THADA: variants seen among roughly 807,000 people sequenced by gnomAD.
The protein encoded by THADA is tRNA (32-2'-O)-methyltransferase regulator THADA.
Under a neutral mutation model 219.8 loss-of-function variants are expected in THADA, and 213 were observed. The ratio of observed to expected loss-of-function variants is 0.97; its 90% CI spans 0.87 to 1.09. THADA has a LOEUF of 1.09. THADA is among the 50% of genes least tolerant of loss of function. THADA has a pLI of 0.00. For synonymous variants in THADA, 1,018 were observed against 828.9 expected (o/e 1.23, Z -3.92); for missense variants, 2,956 against 2,311.3 (o/e 1.28, Z -5.72).
At chr2:43,338,460 A>T (rs1391685638) in intron 30 of THADA, among the ~76,000 whole-genome samples, 1 of 152,142 alleles carries the variant, frequency 6.6e-6, no homozygotes, top group African/African-American at 2.4e-5. Context: ...CCCAGCCTCC[A>T]GAACCCTTTT....
Position 43,271,612 on chromosome 2 carries a change from C to CT in THADA, c.5296+8152dup, listed in dbSNP as rs11365531. On this transcript the variant is annotated intron_variant, in intron 36 of 37. Coordinates refer to ENST00000405975, the MANE Select transcript of THADA (RefSeq NM_022065.5). ...AGACAAAAATCCTACACTCTTGGAA[C>CT]TTTTTTTTTTTTTTTTTTTTTTGAC... is the stretch of plus-strand genomic sequence containing the variant. Among the ~76,000 whole-genome samples, 710 of 118,590 alleles carry CT rather than the reference C, an allele frequency of 6.0e-3. 4 individuals are homozygous for CT. Among genetic ancestry groups the CT allele is most frequent in the Middle Eastern group, 0.018 (4 of 224 alleles). The allele number at this position is 118,590 out of a possible 152,430, so 77.8% of individuals were successfully genotyped here.
At chr2:43,538,588 A>C (rs1308816575) in intron 21 of THADA, 1 of 151,342 alleles carries the variant, frequency 6.6e-6, no homozygotes, top group African/African-American at 2.5e-5. Context: ...AAATACAGAA[A>C]ATTAAACTTA....
intron 16 of THADA, among the ~76,000 whole-genome samples, chr2:43,557,131 A>G (rs1234017261): frequency 6.6e-6 from 1 of 152,184 alleles, no homozygotes; most frequent in Non-Finnish European, 1.5e-5. Context: ...AGCCTGGCAT[A>G]TAATTGTAAG....
chr2:43,275,964 G>C (rs1672685496), intron 36 of THADA, among the ~76,000 whole-genome samples: 1 of 152,208 alleles, frequency 6.6e-6, no homozygotes, highest in Non-Finnish European at 1.5e-5. Flanking sequence ...AAACAGATCT[G>C]AGTGGCCGCT....
chr2:43,516,655 C>G (rs920202973), intron 22 of THADA, among the ~76,000 whole-genome samples: 61 of 152,222 alleles, frequency 4.0e-4, no homozygotes, highest in Middle Eastern at 3.4e-3. Flanking sequence ...GGTTACATAG[C>G]AAGTACGTGG....
At chr2:43,503,169 T>A (rs1264750807) in intron 24 of THADA, among the ~76,000 whole-genome samples, 1 of 152,182 alleles carries the variant, frequency 6.6e-6, no homozygotes, top group Non-Finnish European at 1.5e-5. Context: ...AGCATCAGAT[T>A]GAATATGTGT....
intron 36 of THADA, among the ~76,000 whole-genome samples, chr2:43,253,427 C>T (rs896765219): frequency 6.6e-6 from 1 of 152,172 alleles, no homozygotes; most frequent in Non-Finnish European, 1.5e-5. Flanking sequence ...AAAGGTGGCT[C>T]TAACCTCCCA....
intron 26 of THADA, among the ~76,000 whole-genome samples, chr2:43,454,827 C>T (rs1433724541): frequency 4.6e-5 from 7 of 152,066 alleles, no homozygotes; most frequent in Admixed American, 1.3e-4. Flanking sequence ...AAGTTAAATA[C>T]GAATAAGAAG....
intron 16 of THADA, 130 bp from the exon 17 acceptor site, chr2:43,556,685 G>A: frequency 2.6e-6 from 2 of 763,082 alleles, no homozygotes; most frequent in Non-Finnish European, 4.1e-6. Flanking sequence ...AGCTACTCAA[G>A]AGGCTGATGG....
chr2:43,441,820 G>A (rs1011612593), intron 26 of THADA, among the ~76,000 whole-genome samples: 2 of 152,114 alleles, frequency 1.3e-5, no homozygotes, highest in Admixed American at 6.5e-5. Flanking sequence ...TCCTAGAATA[G>A]GTGAGTCTTC....
At chr2:43,327,694 T>A (rs1558585941) in intron 30 of THADA, among the ~76,000 whole-genome samples, 1 of 152,106 alleles carries the variant, frequency 6.6e-6, no homozygotes, top group Non-Finnish European at 1.5e-5. Context: ...TTGCTTGAGA[T>A]CAGGAGTTCA....
rs764103567 is a variant in THADA at position 43,577,144 on chromosome 2, T to G, written c.915A>C (p.Ser305=). The change falls in exon 10 of 38, where the codon TCA becomes TCC. Residue 305 remains serine, a synonymous_variant. Transcript: ENST00000405975. ...RSLCCGDISQ[S]AVLFLCQGTL... ...TCCCCTGACAGAGGAATAAGACAGC[T>G]GACTGAGAGATGTCACCACAACAGA... 24 of 1,611,690 alleles carry G rather than the reference T, an allele frequency of 1.5e-5. No homozygotes were observed. Among genetic ancestry groups the G allele is most frequent in the Non-Finnish European group, 2.0e-5 (23 of 1,179,068 alleles).
intron 31 of THADA, among the ~76,000 whole-genome samples, chr2:43,309,764 A>C (rs1677274755): frequency 6.6e-6 from 1 of 152,188 alleles, no homozygotes; most frequent in African/African-American, 2.4e-5. Context: ...TGCTCTTGCC[A>C]CTTCTATTCA....
chr2:43,361,627 C>G (rs1249999563), intron 29 of THADA, among the ~76,000 whole-genome samples: 2 of 152,310 alleles, frequency 1.3e-5, no homozygotes, highest in African/African-American at 2.4e-5. Context: ...TTGGCAGTAT[C>G]GTTCCTTGGC....
intron 31 of THADA, among the ~76,000 whole-genome samples, chr2:43,299,959 C>T (rs1018430865): frequency 5.6e-5 from 8 of 143,820 alleles, no homozygotes; most frequent in Admixed American, 1.4e-4. Flanking sequence ...ACCTGTGACG[C>T]GGAGGTAGCA....
intron 26 of THADA, among the ~76,000 whole-genome samples, chr2:43,438,516 T>G (rs1047624862): frequency 6.6e-6 from 1 of 152,166 alleles, no homozygotes; most frequent in Non-Finnish European, 1.5e-5. Flanking sequence ...CCAAGGTAAA[T>G]GGCCTAGATA....
chr2:43,316,460 T>C (rs1242911765), intron 31 of THADA, among the ~76,000 whole-genome samples: 2 of 152,208 alleles, frequency 1.3e-5, no homozygotes, highest in African/African-American at 2.4e-5. Flanking sequence ...CCTAATCAAG[T>C]GGACTCCTGA....
At chr2:43,568,480 C>T (rs1489022338) in intron 14 of THADA, among the ~76,000 whole-genome samples, 1 of 152,088 alleles carries the variant, frequency 6.6e-6, no homozygotes, top group Non-Finnish European at 1.5e-5. Flanking sequence ...GAAAAAGTAC[C>T]ACAACCATGA....
chr2:43,384,597 C>T (rs181396683), intron 29 of THADA, among the ~76,000 whole-genome samples: 10 of 152,294 alleles, frequency 6.6e-5, no homozygotes, highest in Admixed American at 6.5e-4. Flanking sequence ...TCTCTATATG[C>T]ACATCTAAAA....
Sources: allele counts gnomAD v4.1 joint callset (sites outside exome capture counted in the v4.1 genomes callset), GRCh38; gene constraint gnomAD v4.1.1; transcripts MANE v1.5; gene names NCBI Gene and HGNC (gene_info 2026-07-23, HGNC 2026-07-21).